EEA1: variants seen among roughly 807,000 people sequenced by gnomAD.
EEA1 encodes early endosome antigen 1.
A neutral mutation model predicts 209.2 loss-of-function variants in EEA1; 111 were observed. The ratio of observed to expected loss-of-function variants is 0.53; its 90% CI spans 0.45 to 0.62. The LOEUF (loss-of-function observed/expected upper bound fraction) is 0.62, where lower values mean the gene tolerates loss of function less well. EEA1 is among the 20% of genes least tolerant of loss of function. EEA1 has a pLI of 0.00. For synonymous variants in EEA1, 536 were observed against 540.6 expected (o/e 0.99, Z 0.12); for missense variants, 1,343 against 1,530.8 (o/e 0.88, Z 2.05).
At chr12:92,790,618 C>T (rs1386371811) in intron 21 of EEA1, among the ~76,000 whole-genome samples, 1 of 152,140 alleles carries the variant, frequency 6.6e-6, no homozygotes, top group African/African-American at 2.4e-5. Context: ...GAAATATGGA[C>T]TGTGTGAAAA....
At chr12:92,899,024 T>C (rs1880040681) in intron 1 of EEA1, among the ~76,000 whole-genome samples, 1 of 146,882 alleles carries the variant, frequency 6.8e-6, no homozygotes, top group Admixed American at 6.8e-5. Flanking sequence ...TGTCCAAGAA[T>C]AGTAGCAACC....
At chr12:92,923,788 T>C (rs992648974) in intron 1 of EEA1, among the ~76,000 whole-genome samples, 2 of 150,956 alleles carry the variant, frequency 1.3e-5, no homozygotes, top group African/African-American at 4.9e-5. Context: ...AAAATAAATA[T>C]TCGGTAGTAC....
At chr12:92,839,561 C>T (rs1378726668) in intron 10 of EEA1, among the ~76,000 whole-genome samples, 3 of 152,074 alleles carry the variant, frequency 2.0e-5, no homozygotes, top group Non-Finnish European at 4.4e-5. Flanking sequence ...CTATATTAAG[C>T]TAGACATTAA....
At chr12:92,868,721 A>T (rs1878506260) in intron 2 of EEA1, among the ~76,000 whole-genome samples, 1 of 152,234 alleles carries the variant, frequency 6.6e-6, no homozygotes, top group Non-Finnish European at 1.5e-5. Flanking sequence ...TGTTTAAATA[A>T]AACTTAAATT....
intron 22 of EEA1, among the ~76,000 whole-genome samples, chr12:92,784,267 G>A (rs1244968071): frequency 2.0e-5 from 3 of 152,150 alleles, no homozygotes; most frequent in Non-Finnish European, 2.9e-5. Flanking sequence ...GAGAGTATAC[G>A]CTATGTGCCA....
chr12:92,776,805 G>A, intron 28 of EEA1, 39 bp downstream of exon 28: 2 of 1,550,114 alleles, frequency 1.3e-6, no homozygotes, highest in Non-Finnish European at 1.8e-6. Context: ...AGTGACAAAT[G>A]AAATCCAGAA....
At chr12:92,910,994 C>T (rs1880563370) in intron 1 of EEA1, among the ~76,000 whole-genome samples, 1 of 152,110 alleles carries the variant, frequency 6.6e-6, no homozygotes, top group South Asian at 2.1e-4. Context: ...CAAATGCTGA[C>T]AAGGATGTGG....
In EEA1 at chr12:92,826,165, C is replaced by A; in HGVS notation, c.1524+1G>T. On this transcript the variant is annotated splice_donor_variant, in intron 13 of 28. Transcript: ENST00000322349. LOFTEE classifies it high-confidence loss of function. ...AGGCTAATAACGCAACTAATGTTTA[C>A]CTGAGCTTCTCGAAGTTTTGCCGTG... 1 of 1,612,510 alleles carries A rather than the reference C, an allele frequency of 6.2e-7. No homozygotes were observed.
intron 3 of EEA1, among the ~76,000 whole-genome samples, chr12:92,863,143 AGAAG>A (rs1291966163): frequency 6.6e-6 from 1 of 152,246 alleles, no homozygotes; most frequent in African/African-American, 2.4e-5. Context: ...TCAGAAGAGT[AGAAG>A]GAAGGAGAAC....
chr12:92,929,267 G>C lies in EEA1; in HGVS notation c.-201C>G. On this transcript the variant is annotated 5_prime_UTR_variant, in exon 1 of 29. Coordinates refer to ENST00000322349, the MANE Select transcript of EEA1 (RefSeq NM_003566.4). ...AGGGAGCACGCGAGAGAGAGCGAGCGAACGACTAGGCAGCCTGCGAGCGCC... is the reference window on the plus strand; with the variant it reads ...AGGGAGCACGCGAGAGAGAGCGAGCCAACGACTAGGCAGCCTGCGAGCGCC... 46 of 306,614 alleles carry C rather than the reference G, an allele frequency of 1.5e-4. No individual in the cohort carries two copies. The highest frequency in any genetic ancestry group is 3.1e-4 in the East Asian group (4 of 12,984). The allele number at this position is 306,614 out of a possible 1,614,324, so 19.0% of individuals were successfully genotyped here.
chr12:92,851,342 A>G, intron 8 of EEA1, 76 bp from the exon 9 acceptor site: 2 of 1,381,156 alleles, frequency 1.4e-6, no homozygotes, highest in Non-Finnish European at 9.9e-7. Flanking sequence ...TCATTTCACT[A>G]CAAAGGAATC....
At chr12:92,889,156 TAA>T (rs200345829) in intron 2 of EEA1, among the ~76,000 whole-genome samples, 3 of 130,928 alleles carry the variant, frequency 2.3e-5, no homozygotes, top group African/African-American at 5.6e-5. Flanking sequence ...TCAAAAACAT[TAA>T]AAAAAAAAAA....
intron 2 of EEA1, chr12:92,879,419 A>G (rs1343155461): frequency 2.4e-6 from 1 of 417,132 alleles, no homozygotes; most frequent in Non-Finnish European, 4.7e-6. Flanking sequence ...CCTAGAAACA[A>G]GAGTAGATCA....
At chr12:92,811,966 A>C (rs562364097) in intron 16 of EEA1, among the ~76,000 whole-genome samples, 1 of 152,184 alleles carries the variant, frequency 6.6e-6, no homozygotes, top group Non-Finnish European at 1.5e-5. Flanking sequence ...GGCTTTTCAT[A>C]AAGGGTAAAT....
intron 15 of EEA1, among the ~76,000 whole-genome samples, chr12:92,814,633 A>T (rs898062461): frequency 1.3e-5 from 2 of 152,178 alleles, no homozygotes; most frequent in African/African-American, 4.8e-5. Context: ...CTATTCATAT[A>T]GCCAGCCCCT....
At chr12:92,845,110 G>A (rs989298805) in intron 9 of EEA1, among the ~76,000 whole-genome samples, 3 of 152,046 alleles carry the variant, frequency 2.0e-5, no homozygotes, top group Non-Finnish European at 2.9e-5. Context: ...TGGACATTAA[G>A]TGTATCATTT....
At chr12:92,801,561 ATACTT>A in intron 20 of EEA1, 34 bp downstream of exon 20, 2 of 1,340,490 alleles carry the variant, frequency 1.5e-6, no homozygotes, top group Non-Finnish European at 2.1e-6. Context: ...AGACCTTACT[ATACTT>A]TACAGATTTT....
At chr12:92,806,081 C>G (rs1416569718) in intron 18 of EEA1, among the ~76,000 whole-genome samples, 1 of 151,176 alleles carries the variant, frequency 6.6e-6, no homozygotes, top group East Asian at 1.9e-4. Flanking sequence ...AAAAAAGAAA[C>G]AGATACTACA....
At chr12:92,810,119 C>T (rs1321928812) in intron 17 of EEA1, among the ~76,000 whole-genome samples, 2 of 152,180 alleles carry the variant, frequency 1.3e-5, no homozygotes, top group Non-Finnish European at 2.9e-5. Context: ...TTACACAATG[C>T]ATTTCCTTGC....
Sources: gnomAD v4.1 joint callset for allele counts (sites outside exome capture counted in the v4.1 genomes callset) on GRCh38, gnomAD v4.1.1 for gene constraint, MANE v1.5 for transcripts, NCBI Gene and HGNC (gene_info 2026-07-23, HGNC 2026-07-21) for gene names.